The following DEUP1 variants were observed in gnomAD, a reference collection of about 807,000 sequenced individuals.
DEUP1 encodes deuterosome assembly protein 1.
A neutral mutation model predicts 87.4 loss-of-function variants in DEUP1; 82 were observed. That is an observed-to-expected ratio of 0.94 (90% confidence interval 0.78 to 1.13). DEUP1 has a LOEUF of 1.13. DEUP1 is among the 50% of genes most tolerant of loss of function. The probability of loss-of-function intolerance (pLI) is 0.00; values close to 1 mark genes in which losing one functional copy is unlikely to be tolerated. For missense variants in DEUP1, 663 were observed against 681.5 expected (o/e 0.97, Z 0.30); for synonymous variants, 214 against 222.7 (o/e 0.96, Z 0.35).
Position 93,394,448 on chromosome 11 carries a change from A to G in DEUP1, c.1042-11A>G, listed in dbSNP as rs779325537. 1.3e-6 allele frequency: 2 copies of G among 1,535,614 alleles called. No individual in the cohort carries two copies. Among genetic ancestry groups the G allele is most frequent in the Non-Finnish European group, 1.7e-6 (2 of 1,145,380 alleles). On this transcript the variant is annotated splice_polypyrimidine_tract_variant and intron_variant, in intron 9 of 13. Coordinates refer to ENST00000298050, the MANE Select transcript of DEUP1 (RefSeq NM_181645.4). ...GGATTCAATAATATTTCCAGTCTCT[A>G]TCTGCTGCAGATAAGAAGCCAACTC...
In DEUP1 at chr11:93,364,211, C is replaced by T. The variant is rs1945307159; in HGVS notation, c.349C>T (p.Gln117Ter). 2.5e-6 allele frequency: 4 copies of T among 1,606,250 alleles called. No individual in the cohort carries two copies. Among genetic ancestry groups the T allele is most frequent in the Non-Finnish European group, 3.4e-6 (4 of 1,173,840 alleles). ...FEKLRLHQMK[Q>*]NKVPRKELPH... Reference sequence around the variant, plus strand: ...AAAACTGAGATTACATCAGATGAAACAAAACAAAGTTCCACGAAAAGAATT... The same window carrying T: ...AAAACTGAGATTACATCAGATGAAATAAAACAAAGTTCCACGAAAAGAATT... The change falls in exon 5 of 14, where the codon CAA (glutamine) becomes TAA (stop). Residue 117 changes from glutamine to a stop codon, truncating the protein, a stop_gained. Transcript: ENST00000298050. LOFTEE classifies it high-confidence loss of function.
chr11:93,403,756 TGAA>T (rs910804647), intron 11 of DEUP1, among the ~76,000 whole-genome samples: 9 of 151,692 alleles, frequency 5.9e-5, no homozygotes, highest in Non-Finnish European at 1.0e-4. Context: ...TTTATTGAAA[TGAA>T]GAAAACTTTA....
chr11:93,375,007 A>G (rs1220012394), intron 7 of DEUP1, among the ~76,000 whole-genome samples: 1 of 145,674 alleles, frequency 6.9e-6, no homozygotes, highest in Non-Finnish European at 1.5e-5. Context: ...TTGGGTAGGT[A>G]TATTCCTAAG....
intron 2 of DEUP1, among the ~76,000 whole-genome samples, chr11:93,351,736 G>A (rs898612122): frequency 2.0e-5 from 3 of 152,104 alleles, no homozygotes; most frequent in African/African-American, 7.2e-5. Context: ...CATTCCTCCA[G>A]GAATGCTAGG....
intron 11 of DEUP1, among the ~76,000 whole-genome samples, chr11:93,404,492 G>A (rs1044531051): frequency 6.6e-6 from 1 of 151,980 alleles, no homozygotes; most frequent in Non-Finnish European, 1.5e-5. Context: ...CCCTTACAAT[G>A]ATTAAAACAT....
At chr11:93,355,681 T>C (rs1165290849) in intron 3 of DEUP1, 139 bp downstream of exon 3, 1 of 729,308 alleles carries the variant, frequency 1.4e-6, no homozygotes, top group East Asian at 2.9e-5. Flanking sequence ...TGTCAGCAAA[T>C]TATAGGCTAA....
chr11:93,408,099 G>C (rs940088353), intron 11 of DEUP1, 132 bp from the exon 12 acceptor site: 11 of 612,100 alleles, frequency 1.8e-5, no homozygotes, highest in Admixed American at 3.5e-5. Context: ...CATTTAGAAA[G>C]TGAGCAAGAG....
chr11:93,332,330 C>A, intron 2 of DEUP1, 42 bp downstream of exon 2: 1 of 1,546,280 alleles, frequency 6.5e-7, no homozygotes, highest in Non-Finnish European at 8.8e-7. Context: ...ATGTGCTTAA[C>A]TGTGCCAAAA....
intron 6 of DEUP1, 82 bp downstream of exon 6, chr11:93,370,268 C>T: frequency 1.4e-6 from 1 of 725,356 alleles, no homozygotes. Flanking sequence ...AATCTATTTA[C>T]AAACAGACAT....
At position 93,394,806 on chromosome 11, in the gene DEUP1, A is replaced by G. The variant is rs570773029; in HGVS notation, c.1239+150A>G. On this transcript the variant is annotated intron_variant, in intron 10 of 13. Transcript: ENST00000298050. Reference sequence around the variant, plus strand: ...GAAATGCTTTGTGGTGTTACATAAAACCTTTCAGAGATAACACAAAGTGTC... The same window carrying G: ...GAAATGCTTTGTGGTGTTACATAAAGCCTTTCAGAGATAACACAAAGTGTC... 2.4e-5 allele frequency: 15 copies of G among 616,020 alleles called. 1 individual carries two copies. In the South Asian group the frequency reaches 3.6e-4, roughly 15 times the overall value. 38.2% of individuals were successfully genotyped at this position (616,020 alleles called of 1,614,324 possible).
At chr11:93,365,902 T>G (rs1945392175) in intron 5 of DEUP1, among the ~76,000 whole-genome samples, 1 of 152,206 alleles carries the variant, frequency 6.6e-6, no homozygotes, top group African/African-American at 2.4e-5. Context: ...AATAGAAGTA[T>G]AGTAATAGCA....
intron 10 of DEUP1, among the ~76,000 whole-genome samples, chr11:93,395,764 A>AAAT (rs1480390227): frequency 6.6e-6 from 1 of 152,220 alleles, no homozygotes; most frequent in Non-Finnish European, 1.5e-5. Flanking sequence ...AAGATAAAAT[A>AAAT]AATTGAGAGA....
At position 93,368,242 on chromosome 11, in the gene DEUP1, CTTAG is replaced by C. The variant is rs372105170; in HGVS notation, c.433-1824_433-1821del. Among the ~76,000 whole-genome samples, 776 of 152,352 alleles carry C rather than the reference CTTAG, an allele frequency of 5.1e-3. 4 individuals are homozygous for C. The highest frequency in any genetic ancestry group is 0.01 in the Middle Eastern group (3 of 294). ...TGGCCACAAGGGGCAAAGTCACTGT[CTTAG>C]TTAGTTCAGGCTGCTATAACTAAAT... On this transcript the variant is annotated intron_variant, in intron 5 of 13. Coordinates refer to ENST00000298050, the MANE Select transcript of DEUP1 (RefSeq NM_181645.4).
intron 12 of DEUP1, among the ~76,000 whole-genome samples, chr11:93,411,746 T>G (rs375598282): frequency 3.9e-5 from 6 of 152,210 alleles, no homozygotes; most frequent in African/African-American, 1.4e-4. Flanking sequence ...TGGAGTTTTA[T>G]CTCTATATAA....
intron 5 of DEUP1, among the ~76,000 whole-genome samples, chr11:93,364,760 T>C (rs1470544982): frequency 2.0e-5 from 3 of 152,130 alleles, no homozygotes; most frequent in South Asian, 2.1e-4. Context: ...CCCCAAAGCA[T>C]TCAGAATTTC....
At chr11:93,415,620 T>G (rs1947592644) in intron 13 of DEUP1, among the ~76,000 whole-genome samples, 1 of 152,048 alleles carries the variant, frequency 6.6e-6, no homozygotes, top group Middle Eastern at 3.4e-3. Flanking sequence ...CCACTCATGT[T>G]CCCTTCCAGT....
chr11:93,351,549 C>G (rs534920908), intron 2 of DEUP1, among the ~76,000 whole-genome samples: 1 of 152,096 alleles, frequency 6.6e-6, no homozygotes, highest in African/African-American at 2.4e-5. Flanking sequence ...TACATGTTGT[C>G]ATGAAAAAGA....
At chr11:93,372,958 C>A (rs140601696) in intron 7 of DEUP1, among the ~76,000 whole-genome samples, 165 of 152,260 alleles carry the variant, frequency 1.1e-3, no homozygotes, top group Non-Finnish European at 1.4e-3. Flanking sequence ...TGCATGACTG[C>A]GGGTCATGCA....
intron 9 of DEUP1, among the ~76,000 whole-genome samples, chr11:93,393,365 G>T (rs1177191039): frequency 6.6e-6 from 1 of 151,074 alleles, no homozygotes; most frequent in Admixed American, 6.6e-5. Flanking sequence ...ACAGGGTCTT[G>T]CTCTGTCACC....
Sources: gnomAD v4.1 joint callset for allele counts (sites outside exome capture counted in the v4.1 genomes callset) on GRCh38, gnomAD v4.1.1 for gene constraint, MANE v1.5 for transcripts, NCBI Gene and HGNC (gene_info 2026-07-23, HGNC 2026-07-21) for gene names.